SLC14A2: variants seen among roughly 807,000 people sequenced by gnomAD.
SLC14A2 encodes the protein urea transporter 2.
In SLC14A2, 91 loss-of-function variants were observed where a neutral mutation model predicts 104.6. That is an observed-to-expected ratio of 0.87 (90% CI 0.73 to 1.04). The LOEUF is 1.04. Ranked by LOEUF, SLC14A2 falls within the 50% of genes least tolerant of loss-of-function variation. The pLI is 0.00. For missense variants in SLC14A2, 1,189 were observed against 1,156.0 expected (o/e 1.03, Z -0.41); for synonymous variants, 476 against 466.4 (o/e 1.02, Z -0.27).
At chr18:45,219,087 C>T (rs1269620533) in intron 1 of SLC14A2, among the ~76,000 whole-genome samples, 5 of 152,110 alleles carry the variant, frequency 3.3e-5, no homozygotes, top group Admixed American at 6.5e-5. Flanking sequence ...CCTCTCAAAG[C>T]GCTGACCTCA....
chr18:45,664,820 A>G (rs561222337), intron 11 of SLC14A2, among the ~76,000 whole-genome samples: 93 of 152,320 alleles, frequency 6.1e-4, no homozygotes, highest in African/African-American at 2.1e-3. Context: ...GGGCCCCTGT[A>G]GCTCAGGAGT....
intron 1 of SLC14A2, among the ~76,000 whole-genome samples, chr18:45,250,276 A>G (rs2084407658): frequency 6.6e-6 from 1 of 152,190 alleles, no homozygotes; most frequent in Admixed American, 6.5e-5. Flanking sequence ...TTGGCTTTAG[A>G]TCATGAGTAC....
At chr18:45,530,853 C>T (rs1226111422) in intron 2 of SLC14A2, among the ~76,000 whole-genome samples, 2 of 152,046 alleles carry the variant, frequency 1.3e-5, no homozygotes, top group East Asian at 3.9e-4. Context: ...TCCCCACTCC[C>T]CCCACCCCAC....
chr18:45,325,192 C>T (rs182069007), intron 1 of SLC14A2, among the ~76,000 whole-genome samples: 2 of 152,314 alleles, frequency 1.3e-5, no homozygotes, highest in East Asian at 3.9e-4. Context: ...AAAGACTTCC[C>T]TCTAGAAGTC....
chr18:45,465,990 T>G (rs1041176956), intron 1 of SLC14A2, among the ~76,000 whole-genome samples: 1 of 152,148 alleles, frequency 6.6e-6, no homozygotes, highest in Non-Finnish European at 1.5e-5. Context: ...ACTGAGTGCT[T>G]TAAATAATGC....
chr18:45,409,436 A>C (rs935681705), intron 1 of SLC14A2, among the ~76,000 whole-genome samples: 1 of 152,024 alleles, frequency 6.6e-6, no homozygotes, highest in African/African-American at 2.4e-5. Flanking sequence ...TTCATTCTTG[A>C]GTCTGTATTT....
intron 2 of SLC14A2, among the ~76,000 whole-genome samples, chr18:45,512,202 C>G (rs2043375006): frequency 6.6e-6 from 1 of 152,126 alleles, no homozygotes; most frequent in Non-Finnish European, 1.5e-5. Flanking sequence ...TGGAGCATCC[C>G]TGGGCAACAG....
chr18:45,656,628 T>C (rs1238543799), intron 10 of SLC14A2, among the ~76,000 whole-genome samples: 2 of 152,224 alleles, frequency 1.3e-5, no homozygotes, highest in Non-Finnish European at 2.9e-5. Flanking sequence ...AAAGTCATTC[T>C]GGAGAAAAAT....
intron 1 of SLC14A2, among the ~76,000 whole-genome samples, chr18:45,399,329 G>A (rs999668441): frequency 1.3e-5 from 2 of 152,140 alleles, no homozygotes; most frequent in African/African-American, 4.8e-5. Context: ...GCTTCAAGAG[G>A]CAAGCTTGCA....
At chr18:45,225,990 C>T (rs900977371) in intron 1 of SLC14A2, among the ~76,000 whole-genome samples, 3 of 152,036 alleles carry the variant, frequency 2.0e-5, no homozygotes, top group Admixed American at 6.6e-5. Context: ...TGAAACAACC[C>T]CATCAAAAAG....
At chr18:45,523,857 C>A (rs540130067) in intron 2 of SLC14A2, among the ~76,000 whole-genome samples, 1 of 152,220 alleles carries the variant, frequency 6.6e-6, no homozygotes, top group Non-Finnish European at 1.5e-5. Flanking sequence ...CTACACTAGG[C>A]TGTTTGTGTG....
At chr18:45,429,238 C>A (rs1598800040) in intron 1 of SLC14A2, among the ~76,000 whole-genome samples, 1 of 152,110 alleles carries the variant, frequency 6.6e-6, no homozygotes, top group African/African-American at 2.4e-5. Context: ...TCATTCTTTG[C>A]AGAAATAAAA....
intron 2 of SLC14A2, among the ~76,000 whole-genome samples, chr18:45,537,873 C>T (rs1325240623): frequency 6.6e-6 from 1 of 152,102 alleles, no homozygotes; most frequent in Non-Finnish European, 1.5e-5. Flanking sequence ...GTAAAGGAGA[C>T]AGTGGGATAT....
intron 2 of SLC14A2, among the ~76,000 whole-genome samples, chr18:45,580,382 G>A (rs781582222): frequency 2.6e-5 from 4 of 152,232 alleles, no homozygotes; most frequent in Non-Finnish European, 4.4e-5. Context: ...AGAACATACA[G>A]CAAGGCTGAG....
intron 2 of SLC14A2, among the ~76,000 whole-genome samples, chr18:45,604,393 T>C (rs2044836088): frequency 6.6e-6 from 1 of 152,160 alleles, no homozygotes; most frequent in Admixed American, 6.5e-5. Flanking sequence ...TAAGTAAATA[T>C]CTGACAATAT....
At position 45,214,639 on chromosome 18, in the gene SLC14A2, G is replaced by T. The variant is rs115179536; in HGVS notation, c.-125+1448G>T. ...ATGTTAGATGTTGGGGCAGGGAAGA[G>T]GGTATTACTTTGTCTTTCACTTGGT... On this transcript the variant is annotated intron_variant, in intron 1 of 20. Transcript: ENST00000586448. Among the ~76,000 whole-genome samples, 1,223 of 152,156 alleles carry T rather than the reference G, an allele frequency of 8.0e-3. 23 individuals carry two copies. Among genetic ancestry groups the T allele is most frequent in the African/African-American group, 0.028 (1,163 of 41,508 alleles).
intron 5 of SLC14A2, among the ~76,000 whole-genome samples, chr18:45,634,514 A>G (rs1005631411): frequency 6.6e-6 from 1 of 152,244 alleles, no homozygotes; most frequent in Non-Finnish European, 1.5e-5. Context: ...TGTCGCCTAA[A>G]TGATAAGAAG....
chr18:45,280,301 C>A (rs1341573638), intron 1 of SLC14A2, among the ~76,000 whole-genome samples: 1 of 152,070 alleles, frequency 6.6e-6, no homozygotes, highest in African/African-American at 2.4e-5. Context: ...GGAGTCTGGG[C>A]ATGGTGGGAG....
At chr18:45,303,142 G>A (rs901153569) in intron 1 of SLC14A2, among the ~76,000 whole-genome samples, 3 of 152,198 alleles carry the variant, frequency 2.0e-5, no homozygotes, top group African/African-American at 7.2e-5. Flanking sequence ...GATTCACAGA[G>A]ACTCCAGCAC....
Sources: gnomAD v4.1 joint callset for allele counts (sites outside exome capture counted in the v4.1 genomes callset) on GRCh38, gnomAD v4.1.1 for gene constraint, MANE v1.5 for transcripts, NCBI Gene and HGNC (gene_info 2026-07-23, HGNC 2026-07-21) for gene names.